The following RASA2 variants were observed in gnomAD, a reference collection of about 807,000 sequenced individuals.
RASA2 encodes RAS p21 protein activator 2, also known as ras GTPase-activating protein 2.
In RASA2, 155 loss-of-function variants were observed where a neutral mutation model predicts 118.2. That is an observed-to-expected ratio of 1.31 (90% CI 1.15 to 1.50). The LOEUF (loss-of-function observed/expected upper bound fraction) is 1.50. Ranked by LOEUF, RASA2 falls within the 40% of genes most tolerant of loss-of-function variation. The pLI is 0.00. For synonymous variants in RASA2, 353 were observed against 349.1 expected, an observed-to-expected ratio of 1.01 and a Z score of -0.12; for missense variants, 1,016 against 1,009.6, an observed-to-expected ratio of 1.01 and a Z score of -0.09.
Position 141,492,932 on chromosome 3 carries a change from TA to T in RASA2, c.133+5719del, listed in dbSNP as rs575612936. ...TCGGATGAAAGATCCTATTTTATCCTAAAGTCTATACTAAGCAATAGCTGTT... is the reference window on the plus strand; with the variant it reads ...TCGGATGAAAGATCCTATTTTATCCTAAGTCTATACTAAGCAATAGCTGTT... On this transcript the variant is annotated intron_variant, in intron 1 of 23. Transcript: ENST00000286364. Among the ~76,000 whole-genome samples, 615 of 152,348 alleles carry T rather than the reference TA, an allele frequency of 4.0e-3. 7 individuals carry two copies. The highest frequency in any genetic ancestry group is 0.014 in the African/African-American group (572 of 41,588).
At chr3:141,501,405 A>G (rs2081779923) in intron 1 of RASA2, among the ~76,000 whole-genome samples, 3 of 152,344 alleles carry the variant, frequency 2.0e-5, no homozygotes, top group Admixed American at 6.5e-5. Flanking sequence ...TAGCCAAGAA[A>G]GGGCACTAAT....
rs1207351331 is a variant in RASA2, at chr3:141,580,085, AATATATATAT to A, written c.1591-260_1591-251del. 6.4e-3 allele frequency among the ~76,000 whole-genome samples: 380 copies of A among 59,590 alleles called. 7 individuals carry two copies. Among genetic ancestry groups the A allele is most frequent in the African/African-American group, 0.024 (346 of 14,712 alleles). The allele number at this position is 59,590 out of a possible 152,430, so 39.1% of individuals were successfully genotyped here. ...AAAAAAAAAGAAAAAAAAAAAAAAA[AATATATATAT>A]ATATATATATATATATATATATGAC... On this transcript the variant is annotated intron_variant, in intron 15 of 23. Coordinates refer to ENST00000286364, the MANE Select transcript of RASA2 (RefSeq NM_006506.5).
At chr3:141,553,783 T>A in intron 5 of RASA2, 74 bp from the exon 6 acceptor site, 1 of 1,555,326 alleles carries the variant, frequency 6.4e-7, no homozygotes, top group East Asian at 2.3e-5. Flanking sequence ...AATGTATTAG[T>A]TTGTGTTTAA....
chr3:141,498,339 A>G (rs2081732644), intron 1 of RASA2, among the ~76,000 whole-genome samples: 2 of 151,842 alleles, frequency 1.3e-5, no homozygotes, highest in South Asian at 2.1e-4. Context: ...GAGATGATAT[A>G]TTGGAAGGAA....
chr3:141,589,714 G>A (rs145498623), intron 19 of RASA2, among the ~76,000 whole-genome samples: 2,028 of 152,044 alleles, frequency 0.013, 60 homozygotes, highest in African/African-American at 0.046. Flanking sequence ...GGTGGTGTGC[G>A]TCTGTAGTCC....
intron 19 of RASA2, among the ~76,000 whole-genome samples, chr3:141,594,949 CAT>C (rs959383344): frequency 3.3e-4 from 50 of 151,750 alleles, no homozygotes; most frequent in African/African-American, 1.2e-3. Context: ...GGGTTTATAA[CAT>C]ATCTGGATAT....
chr3:141,492,440 G>A (rs1176062023), intron 1 of RASA2, among the ~76,000 whole-genome samples: 1 of 152,140 alleles, frequency 6.6e-6, no homozygotes, highest in Non-Finnish European at 1.5e-5. Context: ...AGGTTTGTAT[G>A]TAATTTTAGT....
chr3:141,565,527 A>G (rs904282427), intron 9 of RASA2, among the ~76,000 whole-genome samples: 1 of 152,138 alleles, frequency 6.6e-6, no homozygotes, highest in Non-Finnish European at 1.5e-5. Context: ...GGTGGTTTCA[A>G]ATCCCCATAC....
In RASA2 at chr3:141,612,858, C is replaced by T. The variant is rs966201724; in HGVS notation, c.*545C>T. On this transcript the variant is annotated 3_prime_UTR_variant, in exon 24 of 24. Transcript: ENST00000286364. ...GTTCCATTCAAGACAGTGATAGAAA[C>T]TTTAGAAAACTGCCAGAGCATACTT... 1 of 152,178 alleles carries T rather than the reference C, an allele frequency of 6.6e-6. No homozygotes were observed. The highest frequency in any genetic ancestry group is 1.5e-5 in the Non-Finnish European group (1 of 68,066). The allele number at this position is 152,178 out of a possible 1,614,324, so 9.4% of individuals were successfully genotyped here.
chr3:141,575,335 T>C (rs147265407), intron 14 of RASA2, among the ~76,000 whole-genome samples: 238 of 152,370 alleles, frequency 1.6e-3, no homozygotes, highest in Non-Finnish European at 2.6e-3. Context: ...GATCTAAATG[T>C]CTTTGCTAAT....
chr3:141,509,719 G>T (rs1025787594), intron 1 of RASA2, among the ~76,000 whole-genome samples: 9 of 152,216 alleles, frequency 5.9e-5, no homozygotes, highest in Admixed American at 6.5e-5. Flanking sequence ...GGGACAAGAG[G>T]GAATGGGGTA....
At chr3:141,562,615 C>G (rs2082749999) in intron 9 of RASA2, among the ~76,000 whole-genome samples, 1 of 150,810 alleles carries the variant, frequency 6.6e-6, no homozygotes, top group East Asian at 2.0e-4. Flanking sequence ...GAGCGAGACT[C>G]CGTCTCAAAA....
chr3:141,518,723 G>A (rs990728375), intron 3 of RASA2, among the ~76,000 whole-genome samples: 12 of 151,366 alleles, frequency 7.9e-5, no homozygotes, highest in African/African-American at 2.9e-4. Context: ...AAAACAATAT[G>A]TTTTTCTTAA....
intron 3 of RASA2, among the ~76,000 whole-genome samples, chr3:141,520,592 CAGA>C (rs2082096903): frequency 6.6e-6 from 1 of 151,700 alleles, no homozygotes; most frequent in Non-Finnish European, 1.5e-5. Flanking sequence ...CTGCTAGAAA[CAGA>C]AGAATCTGCA....
intron 19 of RASA2, among the ~76,000 whole-genome samples, chr3:141,602,622 GTC>G (rs1038898608): frequency 1.3e-5 from 2 of 152,162 alleles, no homozygotes; most frequent in African/African-American, 4.8e-5. Context: ...TAAAACTGCA[GTC>G]TCTCTCTCTT....
intron 1 of RASA2, 62 bp from the exon 2 acceptor site, chr3:141,512,101 A>G: frequency 2.7e-6 from 3 of 1,127,932 alleles, no homozygotes; most frequent in Non-Finnish European, 2.6e-6. Flanking sequence ...GTCATCCTAT[A>G]TAAGGCTTAG....
chr3:141,548,961 G>T (rs1055182685), intron 5 of RASA2, among the ~76,000 whole-genome samples: 5 of 152,110 alleles, frequency 3.3e-5, no homozygotes, highest in African/African-American at 1.2e-4. Flanking sequence ...CATGAATATA[G>T]CTGGAGAAAA....
At chr3:141,531,631 GATATA>G (rs900543388) in intron 4 of RASA2, among the ~76,000 whole-genome samples, 12 of 151,978 alleles carry the variant, frequency 7.9e-5, no homozygotes, top group African/African-American at 2.4e-4. Context: ...CAGTTACCCA[GATATA>G]ATATAGTCAT....
intron 2 of RASA2, among the ~76,000 whole-genome samples, chr3:141,513,528 C>T (rs556034882): frequency 6.6e-6 from 1 of 152,242 alleles, no homozygotes; most frequent in African/African-American, 2.4e-5. Context: ...CTACACATGT[C>T]TTGTCTTTCA....
Sources: gnomAD v4.1 joint callset for allele counts (sites outside exome capture counted in the v4.1 genomes callset) on GRCh38, gnomAD v4.1.1 for gene constraint, MANE v1.5 for transcripts, NCBI Gene and HGNC (gene_info 2026-07-23, HGNC 2026-07-21) for gene names.